Variants in SIM1 observed in about 807,000 individuals in gnomAD.
The protein encoded by SIM1 is single-minded homolog 1.
A neutral mutation model predicts 78.2 loss-of-function variants in SIM1; 18 were observed. The ratio of observed to expected loss-of-function variants is 0.23; its 90% CI spans 0.16 to 0.34. The LOEUF is 0.34. Ranked by LOEUF, SIM1 falls within the 10% of genes least tolerant of loss-of-function variation. SIM1 has a pLI of 1.00. For missense variants in SIM1, 939 were observed against 975.1 expected (o/e 0.96, Z 0.49); for synonymous variants, 417 against 385.2 (o/e 1.08, Z -0.97).
At chr6:100,410,343 C>T (rs1198714558) in intron 10 of SIM1, among the ~76,000 whole-genome samples, 1 of 152,216 alleles carries the variant, frequency 6.6e-6, no homozygotes. Context: ...TGCAGCATCA[C>T]TTCCATTAAG....
chr6:100,417,727 A>G (rs1771440484), intron 10 of SIM1, among the ~76,000 whole-genome samples: 2 of 152,108 alleles, frequency 1.3e-5, no homozygotes. Flanking sequence ...TTCACTGTAA[A>G]TGCCTGCTCA....
chr6:100,448,242 G>A lies in SIM1; in HGVS notation c.754C>T (p.Leu252=). 1 of 1,612,650 alleles carries A rather than the reference G, an allele frequency of 6.2e-7. No homozygotes were observed. Among genetic ancestry groups the A allele is most frequent in the Non-Finnish European group, 8.5e-7 (1 of 1,179,444 alleles). ...LIFLDSRVAE[L]TGYEPQDLIE... ...AGGTCCTGAGGTTCGTACCCCGTCA[G>A]CTCCGCCACCCTGAGGAGAGCAATC... The change falls in exon 8 of 12, where the codon CTG becomes TTG. Residue 252 remains leucine (L), a synonymous_variant. Transcript: ENST00000369208.
chr6:100,461,369 A>C (rs1021719867), intron 2 of SIM1, among the ~76,000 whole-genome samples: 3 of 152,226 alleles, frequency 2.0e-5, no homozygotes, highest in Admixed American at 6.5e-5. Context: ...CCCCGGGTCT[A>C]CACCAAGCCG....
At chr6:100,447,718 G>A (rs1482455455) in intron 8 of SIM1, among the ~76,000 whole-genome samples, 1 of 152,212 alleles carries the variant, frequency 6.6e-6, no homozygotes, top group Non-Finnish European at 1.5e-5. Context: ...AACTACGGAA[G>A]TAAGGCTCTG....
chr6:100,422,723 A>G (rs896364905), intron 9 of SIM1, among the ~76,000 whole-genome samples: 2 of 152,164 alleles, frequency 1.3e-5, no homozygotes, highest in African/African-American at 4.8e-5. Flanking sequence ...AATGATGAAT[A>G]TATGAGGTAA....
At chr6:100,403,001 A>G (rs1402892744) in intron 10 of SIM1, among the ~76,000 whole-genome samples, 1 of 152,116 alleles carries the variant, frequency 6.6e-6, no homozygotes. Flanking sequence ...TTATTCCTTT[A>G]TTTTCATTAG....
chr6:100,393,743 C>T lies in SIM1; in HGVS notation c.1314G>A (p.Gln438=), dbSNP rs943978214. The T allele has an allele frequency of 2.2e-5, 35 of 1,614,242 alleles. No homozygotes were observed. Among genetic ancestry groups the T allele is most frequent in the Admixed American group, 3.3e-5 (2 of 60,026 alleles). Residue 438 remains glutamine (Q), a synonymous_variant, in exon 11 of 12, where the codon CAG becomes CAA. Coordinates refer to ENST00000369208, the MANE Select transcript of SIM1 (RefSeq NM_005068.3). ...AGCAGAGAGAGCTGCGGTCCGAAAA[C>T]TGTCTGTAGGCGCACGATGCGTCGT... ...SQHDASCAYR[Q]FSDRSSLCYG...
intron 9 of SIM1, among the ~76,000 whole-genome samples, chr6:100,433,456 T>C (rs1362159626): frequency 6.6e-6 from 1 of 152,200 alleles, no homozygotes; most frequent in African/African-American, 2.4e-5. Flanking sequence ...TATGAATCTT[T>C]AGAGAAACCT....
chr6:100,394,192 C>T (rs1272457458), intron 10 of SIM1: 1 of 254,314 alleles, frequency 3.9e-6, no homozygotes, highest in African/African-American at 2.2e-5. Context: ...TATGAACTAT[C>T]CACTTAGCTC....
chr6:100,448,423 A>C lies in SIM1; in HGVS notation c.743+56T>G, dbSNP rs1772418966. Reference sequence around the variant, plus strand: ...TAGGATAGACGGAAATCTCTCAGTCACTAAGCAGGGCCGCCCTCAGGCTAG... The same window carrying C: ...TAGGATAGACGGAAATCTCTCAGTCCCTAAGCAGGGCCGCCCTCAGGCTAG... On this transcript the variant is annotated intron_variant, in intron 7 of 11. Transcript: ENST00000369208. 2.6e-6 allele frequency: 4 copies of C among 1,558,866 alleles called. No homozygotes were observed. In the Admixed American group the frequency reaches 5.3e-5, roughly 21 times the overall value.
At chr6:100,445,581 A>C (rs1772331705) in intron 9 of SIM1, among the ~76,000 whole-genome samples, 1 of 152,210 alleles carries the variant, frequency 6.6e-6, no homozygotes, top group Non-Finnish European at 1.5e-5. Context: ...AACAAAACAG[A>C]ATATTTCAAA....
intron 9 of SIM1, among the ~76,000 whole-genome samples, chr6:100,435,547 C>A (rs927467752): frequency 1.3e-5 from 2 of 152,178 alleles, no homozygotes; most frequent in Admixed American, 1.3e-4. Context: ...ATGCAATGAA[C>A]AAAACAATGT....
At position 100,389,356 on chromosome 6, in the gene SIM1, G is replaced by T. The variant is rs1006745230; in HGVS notation, c.*1005C>A. ...CATTGGCACATATGTGCTTTGAAAC[G>T]TTTTCAAACACTTAACACTGCTGTC... On this transcript the variant is annotated 3_prime_UTR_variant, in exon 12 of 12. Transcript: ENST00000369208. 2.8e-6 allele frequency: 1 copy of T among 356,742 alleles called. No homozygotes were observed. The highest frequency in any genetic ancestry group is 2.1e-5 in the African/African-American group (1 of 47,964). 22.1% of individuals were successfully genotyped at this position (356,742 alleles called of 1,614,324 possible).
At position 100,408,164 on chromosome 6, in the gene SIM1, G is replaced by A. The variant is rs537513808; in HGVS notation, c.1167+12626C>T. Among the ~76,000 whole-genome samples the A allele has an allele frequency of 2.0e-5, 3 of 151,904 alleles. No individual in the cohort carries two copies. The South Asian group carries it at 6.2e-4, about 31-fold the overall frequency. ...TTCAAGTTAATTTCATTCTTTGTAT[G>A]TAGATATCTGGTTTTCCCAGCACAA... On this transcript the variant is annotated intron_variant, in intron 10 of 11. Coordinates refer to ENST00000369208, the MANE Select transcript of SIM1 (RefSeq NM_005068.3).
chr6:100,420,724 T>G (rs1771554725), intron 10 of SIM1, 66 bp downstream of exon 10: 1 of 1,456,036 alleles, frequency 6.9e-7, no homozygotes, highest in Admixed American at 1.7e-5. Flanking sequence ...TTTTAATACT[T>G]TCTCAACTTC....
chr6:100,434,848 G>C (rs570981407), intron 9 of SIM1, among the ~76,000 whole-genome samples: 34 of 152,282 alleles, frequency 2.2e-4, no homozygotes, highest in African/African-American at 7.5e-4. Context: ...ACGCTTTACT[G>C]ATGCGGATAC....
intron 10 of SIM1, among the ~76,000 whole-genome samples, chr6:100,408,946 T>C (rs965355905): frequency 6.6e-6 from 1 of 152,136 alleles, no homozygotes; most frequent in African/African-American, 2.4e-5. Context: ...GAAATGTTTC[T>C]TCTTCAATTT....
chr6:100,441,791 C>T (rs936110087), intron 9 of SIM1, among the ~76,000 whole-genome samples: 2 of 152,188 alleles, frequency 1.3e-5, no homozygotes, highest in Non-Finnish European at 2.9e-5. Flanking sequence ...AATATCTGCG[C>T]ACCCTTGTGA....
At chr6:100,421,243 C>A (rs940140599) in intron 9 of SIM1, among the ~76,000 whole-genome samples, 5 of 152,036 alleles carry the variant, frequency 3.3e-5, no homozygotes, top group African/African-American at 1.2e-4. Flanking sequence ...AATTAAACAA[C>A]CTACTCTACA....
Sources: allele counts gnomAD v4.1 joint callset (sites outside exome capture counted in the v4.1 genomes callset), GRCh38; gene constraint gnomAD v4.1.1; transcripts MANE v1.5; gene names NCBI Gene and HGNC (gene_info 2026-07-23, HGNC 2026-07-21).